Variants in SDK1 observed in about 807,000 individuals in gnomAD.
SDK1 encodes the protein protein sidekick-1.
SDK1 carries 157 observed loss-of-function variants against 245.5 expected under a neutral mutation model. The observed-to-expected ratio is 0.64, with a 90% CI of 0.56 to 0.73. The LOEUF (loss-of-function observed/expected upper bound fraction) is 0.73, where lower values mean the gene tolerates loss of function less well. Among genes scored for constraint, SDK1 ranks in the 30% least tolerant of loss-of-function variants. SDK1 has a pLI of 0.00. For synonymous variants in SDK1, 1,647 were observed against 1,278.5 expected (o/e 1.29, Z -6.15); for missense variants, 3,583 against 3,002.3 (o/e 1.19, Z -4.52).
At chr7:4,001,056 C>T (rs1200867917) in intron 14 of SDK1, among the ~76,000 whole-genome samples, 1 of 152,154 alleles carries the variant, frequency 6.6e-6, no homozygotes, top group Non-Finnish European at 1.5e-5. Context: ...TTGGTTGGTC[C>T]TCACCTTCTG....
chr7:4,015,878 C>G (rs1400357703), intron 16 of SDK1, among the ~76,000 whole-genome samples: 1 of 152,172 alleles, frequency 6.6e-6, no homozygotes, highest in East Asian at 1.9e-4. Flanking sequence ...ACCAAGTGTA[C>G]ATGGTCGGCG....
At chr7:3,304,484 C>T (rs1323206057) in intron 1 of SDK1, among the ~76,000 whole-genome samples, 6 of 152,226 alleles carry the variant, frequency 3.9e-5, no homozygotes, top group Admixed American at 3.9e-4. Context: ...AGTAGACCTC[C>T]TAGATTCAGC....
At chr7:3,599,543 G>A (rs138905250) in intron 1 of SDK1, among the ~76,000 whole-genome samples, 2 of 152,170 alleles carry the variant, frequency 1.3e-5, no homozygotes, top group East Asian at 1.9e-4. Context: ...GTCTTTGCCT[G>A]GCCCCACATT....
chr7:4,032,819 C>G (rs1787925765), intron 17 of SDK1, among the ~76,000 whole-genome samples: 1 of 152,154 alleles, frequency 6.6e-6, no homozygotes, highest in Non-Finnish European at 1.5e-5. Context: ...CTGGAAGTTA[C>G]TAGAGAAGGT....
chr7:4,020,235 G>A (rs909261287), intron 17 of SDK1, among the ~76,000 whole-genome samples: 4 of 152,126 alleles, frequency 2.6e-5, no homozygotes, highest in Non-Finnish European at 5.9e-5. Flanking sequence ...TCCCTTGGAC[G>A]TGGCTGGGGT....
chr7:3,575,204 T>G (rs1024002151), intron 1 of SDK1, among the ~76,000 whole-genome samples: 1 of 152,036 alleles, frequency 6.6e-6, no homozygotes, highest in African/African-American at 2.4e-5. Context: ...CTTCTTGGCT[T>G]TTGTAGGTGG....
At chr7:3,573,208 C>G (rs964932392) in intron 1 of SDK1, among the ~76,000 whole-genome samples, 2 of 152,044 alleles carry the variant, frequency 1.3e-5, no homozygotes, top group African/African-American at 4.8e-5. Context: ...AGAGTGGAGA[C>G]TGTGCTGGGA....
In SDK1 at chr7:4,157,464, G is replaced by A. The variant is rs1335988198; in HGVS notation, c.4626-984G>A. Among the ~76,000 whole-genome samples the A allele has an allele frequency of 1.8e-4, 8 of 44,640 alleles. 1 individual carries two copies. The highest frequency in any genetic ancestry group is 4.9e-4 in the African/African-American group (3 of 6,072). The allele number at this position is 44,640 out of a possible 152,430, so 29.3% of individuals were successfully genotyped here. A position where few individuals can be genotyped will look rare whatever the true frequency, so the allele number is the denominator to read the frequency against. ...AAGGAGGGAAGGGAGGTGGAAGGGA[G>A]AGAAGGAAGGAGGGAAGGAAGGGAG... On this transcript the variant is annotated intron_variant, in intron 30 of 44. Coordinates refer to ENST00000404826, the MANE Select transcript of SDK1 (RefSeq NM_152744.4).
intron 1 of SDK1, among the ~76,000 whole-genome samples, chr7:3,410,810 C>T (rs1434267272): frequency 6.6e-6 from 1 of 152,042 alleles, no homozygotes; most frequent in African/African-American, 2.4e-5. Context: ...TGGTCTCGAA[C>T]TCCTGACCTC....
At chr7:3,562,541 G>C (rs1779780462) in intron 1 of SDK1, among the ~76,000 whole-genome samples, 2 of 152,344 alleles carry the variant, frequency 1.3e-5, no homozygotes, top group Non-Finnish European at 2.9e-5. Context: ...TTTAGCTTCT[G>C]TATAGTGGCT....
intron 17 of SDK1, among the ~76,000 whole-genome samples, chr7:4,040,642 G>A (rs1467706594): frequency 1.3e-5 from 2 of 152,248 alleles, no homozygotes; most frequent in East Asian, 3.9e-4. Flanking sequence ...TTTACATAGG[G>A]CATGAAAGAT....
chr7:3,718,223 G>A (rs1014752783), intron 4 of SDK1, among the ~76,000 whole-genome samples: 9 of 152,114 alleles, frequency 5.9e-5, no homozygotes, highest in Non-Finnish European at 1.0e-4. Flanking sequence ...CACTCAGCTG[G>A]TTGCGGTGGC....
rs560310091 is a variant in SDK1, at chr7:4,266,831, G to A, written c.*1447G>A. The A allele has an allele frequency of 2.0e-5, 20 of 985,560 alleles. No individual in the cohort carries two copies. The highest frequency in any genetic ancestry group is 1.2e-4 in the Admixed American group (2 of 16,288). 61.1% of individuals were successfully genotyped at this position (985,560 alleles called of 1,614,324 possible). On this transcript the variant is annotated 3_prime_UTR_variant, in exon 45 of 45. Transcript: ENST00000404826. ...TAAGTGCCCCCTCACCAGCAGCAGC[G>A]TGACACACACAAGACTCAAGACCAC...
intron 2 of SDK1, among the ~76,000 whole-genome samples, chr7:3,626,354 A>G (rs1362577971): frequency 2.0e-5 from 3 of 152,238 alleles, no homozygotes; most frequent in Non-Finnish European, 4.4e-5. Context: ...CCCTTCTAAG[A>G]AGATAGTCAG....
rs760789119 is a variant in SDK1, at chr7:3,649,170, G to A, written c.713+7065G>A. Reference sequence around the variant, plus strand: ...CACAGGACACTTTGGGGTGAGGGTCGTGCTGCCACGCTGAGAAGACATGGA... The same window carrying A: ...CACAGGACACTTTGGGGTGAGGGTCATGCTGCCACGCTGAGAAGACATGGA... On this transcript the variant is annotated intron_variant, in intron 4 of 44. Transcript: ENST00000404826. 1.7e-4 allele frequency among the ~76,000 whole-genome samples: 26 copies of A among 152,284 alleles called. 1 individual carries two copies. The highest frequency in any genetic ancestry group is 5.1e-4 in the African/African-American group (21 of 41,550).
At chr7:3,523,840 A>G (rs577473199) in intron 1 of SDK1, among the ~76,000 whole-genome samples, 4 of 152,352 alleles carry the variant, frequency 2.6e-5, no homozygotes, top group Admixed American at 1.3e-4. Context: ...ATCTTCACCA[A>G]GCAGTCTTAT....
In SDK1 at chr7:4,126,792, A is replaced by G. The variant is rs184460225; in HGVS notation, c.3824-589A>G. ...TCCTTTTAGAAAAACATTCATTGAA[A>G]TGGATGAATGCGATTTTCTCAGCTT... is the stretch of plus-strand genomic sequence containing the variant. On this transcript the variant is annotated intron_variant, in intron 25 of 44. Transcript: ENST00000404826. Among the ~76,000 whole-genome samples the G allele has an allele frequency of 5.8e-3, 879 of 152,364 alleles. 4 individuals are homozygous for G. Among genetic ancestry groups the G allele is most frequent in the Non-Finnish European group, 0.01 (695 of 68,042 alleles).
intron 1 of SDK1, among the ~76,000 whole-genome samples, chr7:3,478,329 C>CA (rs1197877533): frequency 6.6e-6 from 1 of 151,840 alleles, no homozygotes; most frequent in Non-Finnish European, 1.5e-5. Flanking sequence ...GAGATAGATT[C>CA]ACTCCATCCC....
intron 32 of SDK1, among the ~76,000 whole-genome samples, chr7:4,173,501 A>T (rs556969532): frequency 2.4e-4 from 36 of 151,938 alleles, no homozygotes; most frequent in African/African-American, 8.4e-4. Context: ...TTCCAGCAAG[A>T]CCTGAAACTC....
Sources: allele counts gnomAD v4.1 joint callset (sites outside exome capture counted in the v4.1 genomes callset), GRCh38; gene constraint gnomAD v4.1.1; transcripts MANE v1.5; gene names NCBI Gene and HGNC (gene_info 2026-07-23, HGNC 2026-07-21).